WDHD1: variants seen among roughly 807,000 people sequenced by gnomAD.
WDHD1 encodes the protein WD repeat and HMG-box DNA-binding protein 1.
In WDHD1, 111 loss-of-function variants were observed where a neutral mutation model predicts 135.4. The ratio of observed to expected loss-of-function variants is 0.82; its 90% CI spans 0.70 to 0.96. The LOEUF is 0.96. WDHD1 is among the 40% of genes least tolerant of loss of function. The pLI is 0.00. For synonymous variants in WDHD1, 434 were observed against 439.0 expected, an observed-to-expected ratio of 0.99 and a Z score of 0.14; for missense variants, 1,351 against 1,336.3, an observed-to-expected ratio of 1.01 and a Z score of -0.17.
intron 23 of WDHD1, 65 bp downstream of exon 23, chr14:54,956,969 G>A: frequency 6.5e-7 from 1 of 1,548,020 alleles, no homozygotes; most frequent in Admixed American, 1.9e-5. Flanking sequence ...CTGAAACAGT[G>A]AACAAAACTG....
At chr14:55,011,643 G>C (rs2042172453) in intron 3 of WDHD1, among the ~76,000 whole-genome samples, 1 of 149,438 alleles carries the variant, frequency 6.7e-6, no homozygotes, top group Admixed American at 6.6e-5. Context: ...ATATTCGTGT[G>C]TGTGTTTGTG....
At chr14:54,984,932 T>C in intron 14 of WDHD1, 72 bp from the exon 15 acceptor site, 1 of 1,565,508 alleles carries the variant, frequency 6.4e-7, no homozygotes, top group South Asian at 1.2e-5. Flanking sequence ...AATTATTTTC[T>C]GTGAATTGAT....
At chr14:55,008,217 C>T in intron 6 of WDHD1, 99 bp downstream of exon 6, 3 of 1,205,026 alleles carry the variant, frequency 2.5e-6, no homozygotes, top group South Asian at 1.5e-5. Context: ...GAAACAAATT[C>T]CAAAGAAAAG....
At chr14:54,963,792 T>G (rs1333389546) in intron 18 of WDHD1, among the ~76,000 whole-genome samples, 13 of 120,910 alleles carry the variant, frequency 1.1e-4, no homozygotes, top group Admixed American at 2.9e-4. Context: ...AAAGCGAGAC[T>G]CTGTCTCAAA....
chr14:55,021,574 C>T (rs530996359), intron 2 of WDHD1, among the ~76,000 whole-genome samples: 122 of 152,166 alleles, frequency 8.0e-4, no homozygotes, highest in African/African-American at 2.7e-3. Context: ...TGGTAGAGAC[C>T]GGGGTCTCAT....
intron 13 of WDHD1, among the ~76,000 whole-genome samples, chr14:54,988,066 G>GAAC (rs1242688624): frequency 6.6e-6 from 1 of 152,056 alleles, no homozygotes; most frequent in East Asian, 1.9e-4. Context: ...CTTTTCTTTT[G>GAAC]AAAAGAAAAA....
At chr14:54,945,032 T>A (rs1399187563) in intron 24 of WDHD1, among the ~76,000 whole-genome samples, 1 of 152,186 alleles carries the variant, frequency 6.6e-6, no homozygotes, top group Admixed American at 6.6e-5. Context: ...ACTCTGTACT[T>A]TCAACTTTTT....
rs1015233487 is a variant in WDHD1 at position 55,007,446 on chromosome 14, T to C, written c.505-71A>G. On this transcript the variant is annotated intron_variant, in intron 6 of 25. Transcript: ENST00000360586. ...CCCAAAATATATGCAGAACTGAATA[T>C]ATTTAAAGGTTCTTCAAATCAATAT... 17 of 1,104,596 alleles carry C rather than the reference T, an allele frequency of 1.5e-5. No individual in the cohort carries two copies. The African/African-American group carries it at 2.2e-4, about 15-fold the overall frequency. The allele number at this position is 1,104,596 out of a possible 1,614,324, so 68.4% of individuals were successfully genotyped here.
At chr14:54,952,244 C>T (rs540417707) in intron 24 of WDHD1, among the ~76,000 whole-genome samples, 6 of 152,296 alleles carry the variant, frequency 3.9e-5, no homozygotes, top group South Asian at 2.1e-4. Context: ...TAGAAAACCC[C>T]GTCGTCTCAG....
At chr14:55,017,306 T>A (rs1279222750) in intron 2 of WDHD1, among the ~76,000 whole-genome samples, 1 of 152,222 alleles carries the variant, frequency 6.6e-6, no homozygotes, top group Non-Finnish European at 1.5e-5. Flanking sequence ...ACATATTAAT[T>A]TTATTGTTTT....
At chr14:54,961,436 T>C (rs2041250414) in intron 21 of WDHD1, among the ~76,000 whole-genome samples, 1 of 152,224 alleles carries the variant, frequency 6.6e-6, no homozygotes, top group Admixed American at 6.5e-5. Flanking sequence ...ACTTTCTCTT[T>C]GCTCTCTGAG....
intron 16 of WDHD1, among the ~76,000 whole-genome samples, chr14:54,969,344 A>G (rs971011304): frequency 5.2e-5 from 2 of 38,756 alleles, no homozygotes; most frequent in African/African-American, 2.2e-4. Context: ...CCGTTTCAAG[A>G]AAAAAAAAAA....
At chr14:54,976,450 G>T (rs1433731913) in intron 16 of WDHD1, among the ~76,000 whole-genome samples, 2 of 152,092 alleles carry the variant, frequency 1.3e-5, no homozygotes, top group East Asian at 3.9e-4. Flanking sequence ...CCATGCTTTG[G>T]CCTCCCGATG....
chr14:54,975,547 C>T (rs995073183), intron 16 of WDHD1, among the ~76,000 whole-genome samples: 10 of 152,074 alleles, frequency 6.6e-5, no homozygotes, highest in African/African-American at 2.4e-4. Context: ...AGGGTTTCAC[C>T]ATGTTGGCCA....
intron 24 of WDHD1, among the ~76,000 whole-genome samples, chr14:54,947,046 A>T (rs1018375693): frequency 6.6e-6 from 1 of 151,578 alleles, no homozygotes; most frequent in Non-Finnish European, 1.5e-5. Context: ...GTCTCAAAAA[A>T]AGTGTTAGGC....
In WDHD1 at chr14:55,000,627, C is replaced by A; in HGVS notation, c.818G>T (p.Gly273Val). 3 of 1,577,508 alleles carry A rather than the reference C, an allele frequency of 1.9e-6. No individual in the cohort carries two copies. Among genetic ancestry groups the A allele is most frequent in the Non-Finnish European group, 2.6e-6 (3 of 1,161,812 alleles). ...DCMERVKHEK[G>V]YAICGLAWHP... The stretch of plus-strand genomic sequence containing the variant: ...CCATGCCAGACCACAAATTGCATAA[C>A]CTTTCTCATGTTTCACCCTAAAAAT... Residue 273 changes from glycine (G) to valine (V), a missense_variant, in exon 10 of 26, where the codon GGT (glycine) becomes GTT (valine). Physicochemically the swap from Gly to Val is moderately radical, Grantham distance 109 (BLOSUM62 -3). Coordinates refer to ENST00000360586, the MANE Select transcript of WDHD1 (RefSeq NM_007086.4).
intron 14 of WDHD1, among the ~76,000 whole-genome samples, chr14:54,985,370 A>G (rs1456075500): frequency 6.6e-6 from 1 of 152,210 alleles, no homozygotes; most frequent in Non-Finnish European, 1.5e-5. Context: ...TAGGGGAAGG[A>G]ACACGGAAGT....
intron 21 of WDHD1, among the ~76,000 whole-genome samples, chr14:54,958,583 T>C (rs1261721835): frequency 9.9e-5 from 15 of 152,222 alleles, no homozygotes; most frequent in Admixed American, 9.8e-4. Context: ...ATCTGGTGGA[T>C]ACCTTTCAGT....
chr14:55,012,277 T>A (rs2042183089), intron 3 of WDHD1, among the ~76,000 whole-genome samples: 4 of 152,216 alleles, frequency 2.6e-5, no homozygotes. Context: ...CTTATCTACC[T>A]TAAATGCGCC....
Sources: allele counts gnomAD v4.1 joint callset (sites outside exome capture counted in the v4.1 genomes callset), GRCh38; gene constraint gnomAD v4.1.1; transcripts MANE v1.5; gene names NCBI Gene and HGNC (gene_info 2026-07-23, HGNC 2026-07-21).